MBD5: variants seen among roughly 807,000 people sequenced by gnomAD.
MBD5 encodes methyl-CpG-binding domain protein 5.
A neutral mutation model predicts 117.3 loss-of-function variants in MBD5; 13 were observed. That is an observed-to-expected ratio of 0.11 (90% CI 0.07 to 0.18). MBD5 has a LOEUF of 0.18. Among genes scored for constraint, MBD5 ranks in the 10% least tolerant of loss-of-function variants. The probability of loss-of-function intolerance (pLI) is 1.00; values close to 1 mark genes in which losing one functional copy is unlikely to be tolerated. For missense variants in MBD5, 1,879 were observed against 2,093.8 expected (o/e 0.90, Z 2.00); for synonymous variants, 727 against 766.4 (o/e 0.95, Z 0.85).
chr2:148,047,619 T>G (rs1694567617), intron 1 of MBD5, among the ~76,000 whole-genome samples: 1 of 152,196 alleles, frequency 6.6e-6, no homozygotes, highest in South Asian at 2.1e-4. Context: ...AGAAAGGAAC[T>G]CTGCCTTTGA....
At chr2:148,270,127 G>A (rs1387752033) in intron 3 of MBD5, among the ~76,000 whole-genome samples, 4 of 151,672 alleles carry the variant, frequency 2.6e-5, no homozygotes, top group African/African-American at 9.7e-5. Flanking sequence ...CTTCACTGTG[G>A]TAGATGTGAT....
At chr2:148,194,734 C>A (rs11674381) in intron 2 of MBD5, among the ~76,000 whole-genome samples, 1,133 of 99,824 alleles carry the variant, frequency 0.011, 4 homozygotes, top group Non-Finnish European at 0.016. Context: ...ACAATGTGCA[C>A]ATGTACCCTA....
intron 1 of MBD5, among the ~76,000 whole-genome samples, chr2:148,061,841 TAGAA>T (rs1335177673): frequency 2.0e-5 from 3 of 151,954 alleles, no homozygotes; most frequent in Admixed American, 6.5e-5. Flanking sequence ...ACTGTATCTT[TAGAA>T]AGCTTTAGAT....
intron 2 of MBD5, among the ~76,000 whole-genome samples, chr2:148,199,269 TA>T (rs1033986026): frequency 1.4e-4 from 22 of 152,278 alleles, no homozygotes; most frequent in Admixed American, 1.2e-3. Flanking sequence ...TTGTAGGTAT[TA>T]ACCCCAGTAT....
chr2:148,341,487 G>T (rs536999932), intron 3 of MBD5, among the ~76,000 whole-genome samples: 2 of 151,928 alleles, frequency 1.3e-5, no homozygotes, highest in East Asian at 1.9e-4. Flanking sequence ...ATTAAATTAG[G>T]TGATATTGCC....
intron 2 of MBD5, among the ~76,000 whole-genome samples, chr2:148,216,240 A>G (rs1264943363): frequency 6.6e-6 from 1 of 152,138 alleles, no homozygotes; most frequent in Non-Finnish European, 1.5e-5. Context: ...CTGGCCGATC[A>G]AGCTTAGATC....
intron 3 of MBD5, among the ~76,000 whole-genome samples, chr2:148,244,858 GT>G (rs1244262821): frequency 6.6e-6 from 1 of 151,882 alleles, no homozygotes; most frequent in Non-Finnish European, 1.5e-5. Flanking sequence ...GACATGCGAG[GT>G]TTTTTTTCCT....
chr2:148,350,398 G>C (rs762725928), intron 4 of MBD5, among the ~76,000 whole-genome samples: 3 of 151,880 alleles, frequency 2.0e-5, no homozygotes, highest in Admixed American at 6.6e-5. Context: ...TTTATAAAAA[G>C]ATATTCTGAT....
chr2:148,342,556 A>G (rs1347604337), intron 4 of MBD5, among the ~76,000 whole-genome samples: 4 of 151,990 alleles, frequency 2.6e-5, no homozygotes, highest in Admixed American at 1.3e-4. Flanking sequence ...TAATACAGAA[A>G]AATATAGTTA....
At chr2:148,278,964 AG>A (rs1255763855) in intron 3 of MBD5, among the ~76,000 whole-genome samples, 1 of 152,156 alleles carries the variant, frequency 6.6e-6, no homozygotes, top group Non-Finnish European at 1.5e-5. Flanking sequence ...CCAGGAGAGA[AG>A]TGGTGAAAAA....
chr2:148,396,924 C>T (rs1704733460), intron 4 of MBD5, among the ~76,000 whole-genome samples: 2 of 152,052 alleles, frequency 1.3e-5, no homozygotes, highest in African/African-American at 4.8e-5. Flanking sequence ...CTGCAAATTA[C>T]ACTTTTGAGC....
chr2:148,350,195 A>G (rs1335044378), intron 4 of MBD5, among the ~76,000 whole-genome samples: 4 of 151,976 alleles, frequency 2.6e-5, no homozygotes, highest in Admixed American at 2.0e-4. Context: ...ACTATCCCCC[A>G]GAAAAGCCTC....
chr2:148,379,661 AT>A (rs909527878), intron 4 of MBD5, among the ~76,000 whole-genome samples: 7 of 152,108 alleles, frequency 4.6e-5, no homozygotes, highest in Non-Finnish European at 1.0e-4. Context: ...AATACTACTA[AT>A]AGGTATTATT....
At chr2:148,230,538 C>A (rs1320869685) in intron 2 of MBD5, among the ~76,000 whole-genome samples, 5 of 152,134 alleles carry the variant, frequency 3.3e-5, no homozygotes, top group African/African-American at 1.2e-4. Context: ...GGTGCTCTGA[C>A]CCCTGTGGCT....
At chr2:148,276,189 G>T (rs1052351387) in intron 3 of MBD5, among the ~76,000 whole-genome samples, 7 of 152,052 alleles carry the variant, frequency 4.6e-5, no homozygotes, top group Non-Finnish European at 8.8e-5. Flanking sequence ...ATGTAATGGT[G>T]CATGCCCATA....
At chr2:148,043,449 T>C (rs1037752114) in intron 1 of MBD5, among the ~76,000 whole-genome samples, 2 of 52,046 alleles carry the variant, frequency 3.8e-5, no homozygotes, top group Admixed American at 2.6e-4. Context: ...CGAGACTCCT[T>C]CTCAAATAAA....
intron 2 of MBD5, among the ~76,000 whole-genome samples, chr2:148,218,723 T>C (rs1249339161): frequency 6.6e-6 from 1 of 152,140 alleles, no homozygotes; most frequent in Admixed American, 6.5e-5. Flanking sequence ...CTGTAGAGAA[T>C]TACAACATAA....
chr2:148,376,542 C>T (rs1703993291), intron 4 of MBD5, among the ~76,000 whole-genome samples: 1 of 150,548 alleles, frequency 6.6e-6, no homozygotes, highest in Non-Finnish European at 1.5e-5. Flanking sequence ...GCTGGGATTA[C>T]AGGCGTGAGC....
chr2:148,077,450 A>T (rs1034221618), intron 1 of MBD5, among the ~76,000 whole-genome samples: 1 of 152,188 alleles, frequency 6.6e-6, no homozygotes, highest in East Asian at 1.9e-4. Flanking sequence ...AACCAAGAGG[A>T]TACCTGCTTC....
Sources: allele counts gnomAD v4.1 joint callset (sites outside exome capture counted in the v4.1 genomes callset), GRCh38; gene constraint gnomAD v4.1.1; transcripts MANE v1.5; gene names NCBI Gene and HGNC (gene_info 2026-07-23, HGNC 2026-07-21).